EVA1C: variants seen among roughly 807,000 people sequenced by gnomAD.
EVA1C encodes eva-1 homolog C, also known as protein eva-1 homolog C.
Under a neutral mutation model 45.4 loss-of-function variants are expected in EVA1C, and 25 were observed. That is an observed-to-expected ratio of 0.55 (90% confidence interval 0.40 to 0.77). The LOEUF (loss-of-function observed/expected upper bound fraction) is 0.77. EVA1C is among the 30% of genes least tolerant of loss of function. EVA1C has a pLI of 0.00. For synonymous variants in EVA1C, 190 were observed against 221.2 expected (o/e 0.86, Z 1.25); for missense variants, 479 against 554.8 (o/e 0.86, Z 1.37).
intron 1 of EVA1C, among the ~76,000 whole-genome samples, chr21:32,416,872 G>A (rs2034069233): frequency 6.6e-6 from 1 of 152,204 alleles, no homozygotes; most frequent in African/African-American, 2.4e-5. Flanking sequence ...CAGGGGATGG[G>A]AAACAAGGAG....
intron 1 of EVA1C, among the ~76,000 whole-genome samples, chr21:32,442,306 C>A (rs982298509): frequency 5.3e-5 from 8 of 152,288 alleles, no homozygotes; most frequent in South Asian, 2.1e-4. Flanking sequence ...GTTCTCTTCA[C>A]AATTAACCTC....
intron 1 of EVA1C, among the ~76,000 whole-genome samples, chr21:32,430,078 C>T (rs2034640570): frequency 6.6e-6 from 1 of 152,102 alleles, no homozygotes; most frequent in South Asian, 2.1e-4. Flanking sequence ...GAGGGGGGCA[C>T]CTGGGATCAG....
chr21:32,473,354 C>T (rs1011530474), intron 4 of EVA1C, among the ~76,000 whole-genome samples: 1 of 152,222 alleles, frequency 6.6e-6, no homozygotes, highest in African/African-American at 2.4e-5. Context: ...GGACCATTGT[C>T]GGGCCACTGT....
intron 1 of EVA1C, among the ~76,000 whole-genome samples, chr21:32,439,965 G>T (rs189582447): frequency 6.6e-6 from 1 of 152,122 alleles, no homozygotes; most frequent in Non-Finnish European, 1.5e-5. Flanking sequence ...TTGAAGTTAA[G>T]GTAGGTATCA....
rs144864280 is a variant in EVA1C at position 32,457,624 on chromosome 21, C to A, written c.385C>A (p.Arg129=). 17 of 1,614,174 alleles carry A rather than the reference C, an allele frequency of 1.1e-5. No homozygotes were observed. In the South Asian group the frequency reaches 1.5e-4, roughly 15 times the overall value. Residue 129 remains arginine, a synonymous_variant, in exon 3 of 8, where the codon CGG becomes AGG. Coordinates refer to ENST00000300255, the MANE Select transcript of EVA1C (RefSeq NM_058187.5). Reference sequence around the variant, plus strand: ...GGTGCTGGACGAATGCCAGAACCAGCGGGCCTGCCACCTCCTGGTCAATAG... The same window carrying A: ...GGTGCTGGACGAATGCCAGAACCAGAGGGCCTGCCACCTCCTGGTCAATAG... ...QKVLDECQNQ[R]ACHLLVNSRV...
intron 1 of EVA1C, among the ~76,000 whole-genome samples, chr21:32,437,659 G>A (rs1488067211): frequency 1.3e-5 from 2 of 152,132 alleles, no homozygotes; most frequent in Non-Finnish European, 2.9e-5. Flanking sequence ...CTACTTGAGG[G>A]TGATTTCCAC....
intron 1 of EVA1C, among the ~76,000 whole-genome samples, chr21:32,445,205 A>C (rs147243222): frequency 1.3e-3 from 197 of 152,338 alleles, no homozygotes; most frequent in Non-Finnish European, 2.3e-3. Context: ...TGTCCGGCTA[A>C]GGGAATCTGC....
At chr21:32,497,046 A>G (rs1373159056) in intron 5 of EVA1C, 1 of 1,220,776 alleles carries the variant, frequency 8.2e-7, no homozygotes, top group East Asian at 2.3e-5. Flanking sequence ...GCTATGGATG[A>G]GCCAATGGAA....
intron 1 of EVA1C, among the ~76,000 whole-genome samples, chr21:32,415,207 G>A (rs1392257011): frequency 6.6e-6 from 1 of 152,178 alleles, no homozygotes; most frequent in Non-Finnish European, 1.5e-5. Flanking sequence ...AACCAAAACT[G>A]AGGCCTGGAA....
chr21:32,462,397 A>C (rs1019631425), intron 3 of EVA1C, among the ~76,000 whole-genome samples: 1 of 152,218 alleles, frequency 6.6e-6, no homozygotes, highest in Admixed American at 6.5e-5. Context: ...TATTTACTAA[A>C]TAAAGAAATA....
At chr21:32,501,542 A>C in intron 6 of EVA1C, 47 bp downstream of exon 6, 1 of 1,589,460 alleles carries the variant, frequency 6.3e-7, no homozygotes, top group Non-Finnish European at 8.5e-7. Context: ...AGTAAAGGTA[A>C]ACAGCCCCTG....
At chr21:32,448,722 T>C (rs1186716133) in intron 1 of EVA1C, among the ~76,000 whole-genome samples, 3 of 151,732 alleles carry the variant, frequency 2.0e-5, no homozygotes, top group Non-Finnish European at 2.9e-5. Context: ...GCCTGACCAA[T>C]ATGATGAAAC....
intron 3 of EVA1C, among the ~76,000 whole-genome samples, chr21:32,466,077 T>C (rs1313497543): frequency 1.3e-5 from 2 of 151,168 alleles, no homozygotes; most frequent in East Asian, 3.9e-4. Context: ...AGTGGAATCA[T>C]ACCTACGCAG....
chr21:32,431,096 C>G (rs2034685437), intron 1 of EVA1C, among the ~76,000 whole-genome samples: 1 of 152,160 alleles, frequency 6.6e-6, no homozygotes, highest in Non-Finnish European at 1.5e-5. Context: ...ATTATGGGAA[C>G]TACAATTAGA....
chr21:32,473,804 A>C (rs754277558), intron 4 of EVA1C: 1 of 451,780 alleles, frequency 2.2e-6, no homozygotes, highest in Non-Finnish European at 2.9e-6. Flanking sequence ...GCCAAGGAGA[A>C]AATGCCCTTA....
chr21:32,459,431 T>G (rs2035914887), intron 3 of EVA1C, among the ~76,000 whole-genome samples: 1 of 152,218 alleles, frequency 6.6e-6, no homozygotes, highest in Non-Finnish European at 1.5e-5. Context: ...AACCGCTGAA[T>G]CTCACAGACG....
At chr21:32,495,525 T>C (rs1435699450) in intron 5 of EVA1C, among the ~76,000 whole-genome samples, 1 of 152,194 alleles carries the variant, frequency 6.6e-6, no homozygotes, top group African/African-American at 2.4e-5. Flanking sequence ...TCATGCGAGT[T>C]CACAGTCGAA....
intron 1 of EVA1C, among the ~76,000 whole-genome samples, chr21:32,438,061 T>C (rs1315558252): frequency 2.6e-5 from 4 of 152,182 alleles, no homozygotes; most frequent in Non-Finnish European, 4.4e-5. Flanking sequence ...ACAGCTTTGC[T>C]CACCCCCACC....
intron 4 of EVA1C, among the ~76,000 whole-genome samples, chr21:32,486,263 A>G (rs2036970292): frequency 6.6e-6 from 1 of 152,160 alleles, no homozygotes; most frequent in South Asian, 2.1e-4. Context: ...AGCTGGGACT[A>G]CAGGTGTGTG....
Sources: allele counts gnomAD v4.1 joint callset (sites outside exome capture counted in the v4.1 genomes callset), GRCh38; gene constraint gnomAD v4.1.1; transcripts MANE v1.5; gene names NCBI Gene and HGNC (gene_info 2026-07-23, HGNC 2026-07-21).